ZNF705A: variants seen among roughly 807,000 people sequenced by gnomAD.
ZNF705A encodes zinc finger protein 705A.
In ZNF705A, 8 loss-of-function variants were observed where a neutral mutation model predicts 16.6. The observed-to-expected ratio is 0.48, with a 90% confidence interval of 0.28 to 0.87. The LOEUF (loss-of-function observed/expected upper bound fraction) is 0.87, where lower values mean the gene tolerates loss of function less well. Ranked by LOEUF, ZNF705A falls within the 40% of genes least tolerant of loss-of-function variation. The pLI is 0.10. For synonymous variants in ZNF705A, 73 were observed against 117.3 expected (o/e 0.62, Z 2.44); for missense variants, 233 against 359.9 (o/e 0.65, Z 2.85).
rs117153680 is a variant in ZNF705A at position 8,157,888 on chromosome 12, A to G, written c.-72+796A>G. Among the ~76,000 whole-genome samples the G allele has an allele frequency of 7.7e-3, 1,177 of 152,246 alleles. 21 individuals are homozygous for G. Among genetic ancestry groups the G allele is most frequent in the Non-Finnish European group, 6.7e-3 (453 of 68,014 alleles). On this transcript the variant is annotated intron_variant, in intron 1 of 5. Transcript: ENST00000396570. ...ACAGACCCAAATACTCTTGGCTGTT[A>G]GCTTCCTCTGGCCTTTGTTACAGGC...
intron 1 of ZNF705A, among the ~76,000 whole-genome samples, chr12:8,161,963 C>G (rs774301859): frequency 1.3e-4 from 20 of 152,136 alleles, no homozygotes; most frequent in Non-Finnish European, 2.1e-4. Context: ...CGGAACTATC[C>G]TAAGTCAGAA....
chr12:8,171,027 A>G (rs1948441028), upstream of ZNF705A, among the ~76,000 whole-genome samples: 1 of 152,180 alleles, frequency 6.6e-6, no homozygotes, highest in African/African-American at 2.4e-5. Context: ...GAATATAATT[A>G]AAAGTATTGC....
At chr12:8,162,950 A>G (rs1457622947) in intron 1 of ZNF705A, among the ~76,000 whole-genome samples, 1 of 152,210 alleles carries the variant, frequency 6.6e-6, no homozygotes, top group Non-Finnish European at 1.5e-5. Flanking sequence ...TGCCTCATCC[A>G]CTACTGTATG....
exon 5 of ZNF705A, chr12:8,177,419 G>A (rs754758703): frequency 6.2e-7 from 1 of 1,612,044 alleles, no homozygotes; most frequent in Non-Finnish European, 8.5e-7. Flanking sequence ...TCGAAGACAT[G>A]AGAGAACTCA....
intron 1 of ZNF705A, among the ~76,000 whole-genome samples, chr12:8,161,825 A>G (rs979883710): frequency 1.3e-5 from 2 of 152,156 alleles, no homozygotes; most frequent in Non-Finnish European, 2.9e-5. Context: ...CCTATAAAAA[A>G]TCCTTGACCC....
upstream of ZNF705A, among the ~76,000 whole-genome samples, chr12:8,171,750 T>G (rs1948447206): frequency 6.6e-6 from 1 of 152,160 alleles, no homozygotes; most frequent in South Asian, 2.1e-4. Flanking sequence ...ACAGATTTTT[T>G]TTTTGAGACA....
chr12:8,159,261 G>C (rs937680161), intron 1 of ZNF705A, among the ~76,000 whole-genome samples: 1 of 152,098 alleles, frequency 6.6e-6, no homozygotes, highest in South Asian at 2.1e-4. Flanking sequence ...ATTATGAATT[G>C]TGCTGCTATT....
exon 5 of ZNF705A, chr12:8,177,140 C>A (rs371795894): frequency 6.2e-7 from 1 of 1,611,960 alleles, no homozygotes; most frequent in Non-Finnish European, 8.5e-7. Context: ...AAAATCTCTT[C>A]GTAATCTTTT....
chr12:8,173,962 T>C (rs1948464557), intron 1 of ZNF705A, among the ~76,000 whole-genome samples: 1 of 152,192 alleles, frequency 6.6e-6, no homozygotes, highest in Non-Finnish European at 1.5e-5. Flanking sequence ...ATTTGCCTTG[T>C]GACAAATCCG....
At chr12:8,179,820 G>A (rs1948517976) in exon 5 of ZNF705A, 1 of 152,116 alleles carries the variant, frequency 6.6e-6, no homozygotes, top group Admixed American at 6.5e-5. Flanking sequence ...GACATTATAT[G>A]TACTCCTGAG....
upstream of ZNF705A, among the ~76,000 whole-genome samples, chr12:8,171,691 T>A (rs1948446619): frequency 6.6e-6 from 1 of 152,092 alleles, no homozygotes; most frequent in Non-Finnish European, 1.5e-5. Context: ...ATGGGAGTGT[T>A]GACCCTCTAA....
exon 5 of ZNF705A, chr12:8,179,584 T>G (rs183832009): frequency 6.6e-6 from 1 of 152,312 alleles, no homozygotes; most frequent in African/African-American, 2.4e-5. Context: ...CTAAATGGCC[T>G]TATCCGTGGT....
chr12:8,167,345 T>C (rs1948407840), intron 1 of ZNF705A, among the ~76,000 whole-genome samples: 1 of 152,232 alleles, frequency 6.6e-6, no homozygotes, highest in Admixed American at 6.5e-5. Context: ...GGGTTTTTAG[T>C]AGTAGTCTCA....
chr12:8,168,806 T>C (rs1948420877), upstream of ZNF705A: 1 of 152,250 alleles, frequency 6.6e-6, no homozygotes, highest in Non-Finnish European at 1.5e-5. Context: ...ATAGTTAAAT[T>C]ATATTCTGCT....
intron 1 of ZNF705A, among the ~76,000 whole-genome samples, chr12:8,165,714 C>A (rs1440153452): frequency 6.6e-6 from 1 of 151,990 alleles, no homozygotes; most frequent in South Asian, 2.1e-4. Flanking sequence ...ATCTGTTGTT[C>A]CGATCTTTAC....
chr12:8,177,236 C>T (rs768253035), exon 5 of ZNF705A: 18 of 1,611,578 alleles, frequency 1.1e-5, no homozygotes, highest in Middle Eastern at 2.3e-4. Flanking sequence ...TAATTGCTTT[C>T]GCCTTAGACG....
At chr12:8,178,526 C>A (rs1948504504) in exon 5 of ZNF705A, 1 of 152,232 alleles carries the variant, frequency 6.6e-6, no homozygotes. Context: ...TGATAGATTT[C>A]TCATCAGAAA....
At chr12:8,168,457 C>T (rs1025587491), upstream of ZNF705A, among the ~76,000 whole-genome samples, 1 of 152,182 alleles carries the variant, frequency 6.6e-6, no homozygotes. Context: ...TTGACATTCT[C>T]ATATTCTGTG....
chr12:8,170,821 T>C (rs749335872), upstream of ZNF705A, among the ~76,000 whole-genome samples: 1 of 152,194 alleles, frequency 6.6e-6, no homozygotes, highest in East Asian at 1.9e-4. Flanking sequence ...ATGTAGAAAA[T>C]AGTCCAAGGA....
Sources: gnomAD v4.1 joint callset for allele counts (sites outside exome capture counted in the v4.1 genomes callset) on GRCh38, gnomAD v4.1.1 for gene constraint, MANE v1.5 for transcripts, NCBI Gene and HGNC (gene_info 2026-07-23, HGNC 2026-07-21) for gene names.